Variants in ZNF277 observed in about 807,000 individuals in gnomAD.
ZNF277 encodes nuclear receptor-interacting factor 4.
ZNF277 carries 55 observed loss-of-function variants against 60.7 expected under a neutral mutation model. The ratio of observed to expected loss-of-function variants is 0.91; its 90% CI spans 0.73 to 1.13. The LOEUF is 1.13. ZNF277 is among the 50% of genes most tolerant of loss of function. The probability of loss-of-function intolerance (pLI) is 0.00; values close to 1 mark genes in which losing one functional copy is unlikely to be tolerated. For synonymous variants in ZNF277, 178 were observed against 179.3 expected, an observed-to-expected ratio of 0.99 and a Z score of 0.06; for missense variants, 510 against 523.0, an observed-to-expected ratio of 0.98 and a Z score of 0.24.
chr7:112,220,394 T>A (rs954215160), intron 1 of ZNF277, among the ~76,000 whole-genome samples: 3 of 152,190 alleles, frequency 2.0e-5, no homozygotes, highest in Non-Finnish European at 4.4e-5. Flanking sequence ...CCTGCAACTT[T>A]ACTGAGTTCG....
At chr7:112,275,849 C>CT (rs1378162578) in intron 1 of ZNF277, among the ~76,000 whole-genome samples, 1 of 152,176 alleles carries the variant, frequency 6.6e-6, no homozygotes, top group Non-Finnish European at 1.5e-5. Flanking sequence ...TAGTTTCCCA[C>CT]TTTTTTACCA....
At chr7:112,259,635 A>AAAAGAAAG (rs34394245) in intron 1 of ZNF277, among the ~76,000 whole-genome samples, 52 of 152,240 alleles carry the variant, frequency 3.4e-4, no homozygotes, top group African/African-American at 1.2e-3. Context: ...GACTTATTTA[A>AAAAGAAAG]AAAGAAAGAA....
At chr7:112,230,166 C>T (rs1463879587) in intron 1 of ZNF277, among the ~76,000 whole-genome samples, 1 of 151,936 alleles carries the variant, frequency 6.6e-6, no homozygotes, top group African/African-American at 2.4e-5. Context: ...GTGGCTCACG[C>T]CTGTAATCTC....
chr7:112,232,867 G>T (rs1310915560), intron 1 of ZNF277, among the ~76,000 whole-genome samples: 6 of 152,026 alleles, frequency 3.9e-5, no homozygotes, highest in African/African-American at 1.4e-4. Context: ...CATTATCTCT[G>T]CATATTTTGA....
At chr7:112,231,137 C>T (rs976320045) in intron 1 of ZNF277, among the ~76,000 whole-genome samples, 2 of 151,802 alleles carry the variant, frequency 1.3e-5, no homozygotes, top group Non-Finnish European at 2.9e-5. Flanking sequence ...TCACTTGAAC[C>T]CGGGAGGCGG....
At chr7:112,231,174 A>G (rs1822317276) in intron 1 of ZNF277, among the ~76,000 whole-genome samples, 3 of 150,708 alleles carry the variant, frequency 2.0e-5, no homozygotes. Context: ...AGATCGCGCC[A>G]TTGCACTCCA....
chr7:112,237,777 C>G (rs1472367167), intron 1 of ZNF277, among the ~76,000 whole-genome samples: 1 of 152,160 alleles, frequency 6.6e-6, no homozygotes, highest in Non-Finnish European at 1.5e-5. Flanking sequence ...CTTACCAAAA[C>G]TGTTACAAAA....
At chr7:112,298,277 A>G (rs1011662745) in intron 4 of ZNF277, among the ~76,000 whole-genome samples, 2 of 152,202 alleles carry the variant, frequency 1.3e-5, no homozygotes, top group East Asian at 3.8e-4. Context: ...CCTGGCACAT[A>G]GAAGGCACTT....
chr7:112,233,242 C>T (rs148353475), intron 1 of ZNF277, among the ~76,000 whole-genome samples: 2 of 152,262 alleles, frequency 1.3e-5, no homozygotes, highest in East Asian at 3.9e-4. Flanking sequence ...ACTTCTTTGG[C>T]ACTTGGATGA....
At chr7:112,253,744 A>T (rs1282941638) in intron 1 of ZNF277, among the ~76,000 whole-genome samples, 2 of 152,138 alleles carry the variant, frequency 1.3e-5, no homozygotes, top group Non-Finnish European at 2.9e-5. Context: ...TCTTCCCTGA[A>T]TTGCAAGGAG....
chr7:112,284,112 C>G (rs764563714), intron 1 of ZNF277, among the ~76,000 whole-genome samples: 3 of 152,162 alleles, frequency 2.0e-5, no homozygotes, highest in African/African-American at 7.2e-5. Context: ...ATTCTCTCAT[C>G]TGGAAGATTG....
chr7:112,227,405 T>C (rs762683598), intron 1 of ZNF277, among the ~76,000 whole-genome samples: 1 of 152,196 alleles, frequency 6.6e-6, no homozygotes, highest in African/African-American at 2.4e-5. Flanking sequence ...TCCTACCTCA[T>C]GGTCAAAGGA....
At chr7:112,236,203 A>G (rs1478493668) in intron 1 of ZNF277, among the ~76,000 whole-genome samples, 2 of 152,074 alleles carry the variant, frequency 1.3e-5, no homozygotes, top group Admixed American at 6.6e-5. Flanking sequence ...CTTTTTCAAG[A>G]TATCTTTGAC....
At position 112,311,348 on chromosome 7, in the gene ZNF277, A is replaced by G. The variant is rs572794120; in HGVS notation, c.466-6834A>G. Among the ~76,000 whole-genome samples the G allele has an allele frequency of 2.3e-4, 35 of 152,102 alleles. 1 individual carries two copies. The highest frequency in any genetic ancestry group is 4.0e-4 in the Non-Finnish European group (27 of 68,002). ...ATGACTCTGCCTAACACATAAGTTG[A>G]TCTTATATTCTTACAACTATGGTTT... On this transcript the variant is annotated intron_variant, in intron 4 of 11. Transcript: ENST00000361822.
intron 1 of ZNF277, among the ~76,000 whole-genome samples, chr7:112,277,077 ATTTTT>A (rs59902516): frequency 1.3e-4 from 14 of 104,430 alleles, no homozygotes; most frequent in African/African-American, 2.0e-4. Context: ...GAATCTGTTG[ATTTTT>A]TTTTTTTTTT....
intron 1 of ZNF277, among the ~76,000 whole-genome samples, chr7:112,234,093 A>G (rs1360518165): frequency 6.6e-6 from 1 of 151,992 alleles, no homozygotes; most frequent in Non-Finnish European, 1.5e-5. Context: ...ACCATGCTTT[A>G]TTTAGCCAGT....
intron 1 of ZNF277, among the ~76,000 whole-genome samples, chr7:112,265,746 T>C (rs576725990): frequency 6.6e-6 from 1 of 152,340 alleles, no homozygotes; most frequent in East Asian, 1.9e-4. Flanking sequence ...TTCTTTTCAC[T>C]TTGCTTGAAA....
intron 5 of ZNF277, among the ~76,000 whole-genome samples, chr7:112,321,156 C>T (rs1187481485): frequency 1.3e-5 from 2 of 151,550 alleles, no homozygotes; most frequent in Non-Finnish European, 2.9e-5. Context: ...CTCCTGACCT[C>T]GTGATCCCCC....
At chr7:112,266,649 C>T (rs1791558748) in intron 1 of ZNF277, among the ~76,000 whole-genome samples, 1 of 152,068 alleles carries the variant, frequency 6.6e-6, no homozygotes, top group Non-Finnish European at 1.5e-5. Context: ...AACAACCAAA[C>T]TGACTTTTGA....
Sources: gnomAD v4.1 joint callset for allele counts (sites outside exome capture counted in the v4.1 genomes callset) on GRCh38, gnomAD v4.1.1 for gene constraint, MANE v1.5 for transcripts, NCBI Gene and HGNC (gene_info 2026-07-23, HGNC 2026-07-21) for gene names.